CLVS1: variants seen among roughly 807,000 people sequenced by gnomAD.
The protein encoded by CLVS1 is clavesin 1.
A neutral mutation model predicts 33.1 loss-of-function variants in CLVS1; 10 were observed. The ratio of observed to expected loss-of-function variants is 0.30; its 90% CI spans 0.19 to 0.51. CLVS1 has a LOEUF of 0.51. Among genes scored for constraint, CLVS1 ranks in the 20% least tolerant of loss-of-function variants. CLVS1 has a pLI of 0.97. For synonymous variants in CLVS1, 163 were observed against 166.1 expected, an observed-to-expected ratio of 0.98 and a Z score of 0.14; for missense variants, 343 against 433.4, an observed-to-expected ratio of 0.79 and a Z score of 1.85.
intron 2 of CLVS1, among the ~76,000 whole-genome samples, chr8:61,220,034 A>C (rs1301777040): frequency 9.2e-5 from 14 of 151,898 alleles, no homozygotes; most frequent in Non-Finnish European, 5.9e-5. Context: ...GTTCCTTGTA[A>C]ATTCTGGATA....
At chr8:61,389,122 A>G (rs1000025489) in intron 3 of CLVS1, among the ~76,000 whole-genome samples, 14 of 152,210 alleles carry the variant, frequency 9.2e-5, no homozygotes, top group African/African-American at 2.9e-4. Context: ...GAGACTGTTT[A>G]TTCTAATTTT....
At chr8:61,053,385 C>A (rs56232341), upstream of CLVS1, among the ~76,000 whole-genome samples, 40,559 of 152,020 alleles carry the variant, frequency 0.27, 5,920 homozygotes, top group East Asian at 0.49. Flanking sequence ...GAACGAAAGG[C>A]CCAGATAAGA....
chr8:61,357,489 C>CTTTTATTTTTTTTTTTTTTTTT (rs1462908906), intron 2 of CLVS1, among the ~76,000 whole-genome samples: 7 of 30,282 alleles, frequency 2.3e-4, no homozygotes, highest in Non-Finnish European at 5.2e-4. Context: ...TTTCCTTTTT[C>CTTTTATTTTTTTTTTTTTTTTT]TTTTCTTTTT....
intron 3 of CLVS1, among the ~76,000 whole-genome samples, chr8:61,423,858 G>C (rs1038766637): frequency 6.6e-6 from 1 of 152,170 alleles, no homozygotes; most frequent in Non-Finnish European, 1.5e-5. Flanking sequence ...CAACATTAAA[G>C]GATGAAAATG....
intron 2 of CLVS1, among the ~76,000 whole-genome samples, chr8:61,354,192 C>T (rs1039802297): frequency 6.6e-6 from 1 of 152,076 alleles, no homozygotes; most frequent in African/African-American, 2.4e-5. Context: ...TGCATGTTCT[C>T]TTCTAGCTCA....
intron 3 of CLVS1, among the ~76,000 whole-genome samples, chr8:61,446,557 G>A (rs1816763895): frequency 6.6e-6 from 1 of 152,074 alleles, no homozygotes; most frequent in African/African-American, 2.4e-5. Flanking sequence ...GCTGAGCATG[G>A]TAGTTCAAAT....
the CLVS1 span, among the ~76,000 whole-genome samples, chr8:60,978,542 C>T: frequency 1.3e-5 from 2 of 152,074 alleles, no homozygotes; most frequent in African/African-American, 4.8e-5. Flanking sequence ...AGGCCAGGTG[C>T]AGTGGCTCAT....
intron 1 of CLVS1, among the ~76,000 whole-genome samples, chr8:61,079,314 C>T (rs1013588695): frequency 1.1e-4 from 17 of 152,160 alleles, no homozygotes; most frequent in Admixed American, 2.6e-4. Context: ...AAGGGAGGCC[C>T]GTGTGATTTC....
intron 2 of CLVS1, among the ~76,000 whole-genome samples, chr8:61,155,273 A>T (rs112927141): frequency 1.7e-4 from 26 of 152,340 alleles, no homozygotes; most frequent in African/African-American, 6.3e-4. Context: ...AGTATCTACA[A>T]GGACTGTTTC....
chr8:61,017,765 T>C, the CLVS1 span, among the ~76,000 whole-genome samples: 3 of 152,102 alleles, frequency 2.0e-5, no homozygotes, highest in Non-Finnish European at 2.9e-5. Flanking sequence ...TGAGGAACCC[T>C]GGTCTGAGAT....
chr8:61,298,011 C>T (rs1435112712), intron 1 of CLVS1, among the ~76,000 whole-genome samples: 1 of 152,076 alleles, frequency 6.6e-6, no homozygotes, highest in Non-Finnish European at 1.5e-5. Flanking sequence ...GTTCTAGTAT[C>T]GTTATTATTA....
Position 61,400,199 on chromosome 8 carries a change from T to A in CLVS1, c.630+23420T>A, listed in dbSNP as rs1444054331. On this transcript the variant is annotated intron_variant, in intron 3 of 5. Transcript: ENST00000325897. Reference sequence around the variant, plus strand: ...TGTTTTTCCATCTGTTTGAGTAAACTCAGATTTCTTTGAGCAGTGATTTGT... The same window carrying A: ...TGTTTTTCCATCTGTTTGAGTAAACACAGATTTCTTTGAGCAGTGATTTGT... 2.0e-5 allele frequency among the ~76,000 whole-genome samples: 3 copies of A among 152,226 alleles called. No homozygotes were observed. In the South Asian group the frequency reaches 6.2e-4, roughly 32 times the overall value.
intron 2 of CLVS1, among the ~76,000 whole-genome samples, chr8:61,338,963 A>AGT (rs1811908921): frequency 9.8e-6 from 1 of 102,332 alleles, no homozygotes. Flanking sequence ...CAAAGGGAAC[A>AGT]CTGTGTGTGT....
rs934806532 is a variant in CLVS1, at chr8:61,151,562, G to A, written c.-152+19702G>A. 3.3e-5 allele frequency among the ~76,000 whole-genome samples: 5 copies of A among 152,156 alleles called. No homozygotes were observed. In the East Asian group the frequency reaches 9.6e-4, roughly 29 times the overall value. On this transcript the variant is annotated intron_variant, in intron 2 of 2. Transcript: ENST00000522621. ...TGAGAATAGGGCCCTAAGGAGAGCT[G>A]TGTGTTTTTGTGAATGACAGGATAT...
chr8:61,402,839 GA>G (rs2129603623), intron 3 of CLVS1, among the ~76,000 whole-genome samples: 1 of 152,302 alleles, frequency 6.6e-6, no homozygotes, highest in South Asian at 2.1e-4. Context: ...ATATAGCTAT[GA>G]ATAAAAAAGA....
intron 1 of CLVS1, among the ~76,000 whole-genome samples, chr8:61,094,017 T>C (rs535041175): frequency 6.6e-6 from 1 of 152,364 alleles, no homozygotes; most frequent in South Asian, 2.1e-4. Context: ...CTCTGCCCCA[T>C]CACCAGCTCC....
chr8:60,971,864 C>T, the CLVS1 span, among the ~76,000 whole-genome samples: 1 of 152,070 alleles, frequency 6.6e-6, no homozygotes, highest in Non-Finnish European at 1.5e-5. Context: ...TCCCCCGTTT[C>T]TCTTTAAGAT....
At chr8:60,975,971 C>T in the CLVS1 span, among the ~76,000 whole-genome samples, 7 of 152,132 alleles carry the variant, frequency 4.6e-5, no homozygotes, top group African/African-American at 1.4e-4. Context: ...ACAAGGAGGC[C>T]GGGGGCTTCT....
intron 5 of CLVS1, 174 bp downstream of exon 5, chr8:61,458,716 T>C (rs1032085395): frequency 1.5e-4 from 83 of 561,792 alleles, no homozygotes; most frequent in Non-Finnish European, 2.4e-4. Flanking sequence ...GGGGCTTGGC[T>C]GGCCCAGCAC....
Sources: allele counts gnomAD v4.1 joint callset (sites outside exome capture counted in the v4.1 genomes callset), GRCh38; gene constraint gnomAD v4.1.1; transcripts MANE v1.5; gene names NCBI Gene and HGNC (gene_info 2026-07-23, HGNC 2026-07-21).